Variants in CRB1 observed in about 807,000 individuals in gnomAD.
CRB1 encodes protein crumbs homolog 1.
A neutral mutation model predicts 120.0 loss-of-function variants in CRB1; 83 were observed. That is an observed-to-expected ratio of 0.69 (90% CI 0.58 to 0.83). The LOEUF (loss-of-function observed/expected upper bound fraction) is 0.83, where lower values mean the gene tolerates loss of function less well. CRB1 is among the 40% of genes least tolerant of loss of function. CRB1 has a pLI of 0.00. For missense variants in CRB1, 1,699 were observed against 1,687.6 expected, an observed-to-expected ratio of 1.01 and a Z score of -0.12; for synonymous variants, 625 against 612.5, an observed-to-expected ratio of 1.02 and a Z score of -0.30.
intron 5 of CRB1, among the ~76,000 whole-genome samples, chr1:197,361,761 A>AT (rs934062713): frequency 1.9e-4 from 28 of 150,068 alleles, no homozygotes; most frequent in African/African-American, 2.5e-4. Flanking sequence ...AATTTTACTG[A>AT]TTTTTTTTAA....
At chr1:197,433,718 G>T (rs1359638725) in intron 8 of CRB1, among the ~76,000 whole-genome samples, 3 of 152,002 alleles carry the variant, frequency 2.0e-5, no homozygotes, top group African/African-American at 4.8e-5. Flanking sequence ...AATGGAAGGG[G>T]AAATGATGAT....
intron 1 of CRB1, among the ~76,000 whole-genome samples, chr1:197,271,171 C>A (rs1267521920): frequency 6.6e-6 from 1 of 151,894 alleles, no homozygotes; most frequent in Admixed American, 6.6e-5. Flanking sequence ...TGCACTCCAG[C>A]CTGGTAAAAA....
chr1:197,321,112 A>G (rs1459184199), intron 1 of CRB1, among the ~76,000 whole-genome samples: 1 of 152,168 alleles, frequency 6.6e-6, no homozygotes, highest in Non-Finnish European at 1.5e-5. Context: ...TCTGGGGTGG[A>G]GTTTGCCAAA....
chr1:197,387,507 T>C (rs1571448669), intron 5 of CRB1, among the ~76,000 whole-genome samples: 3 of 152,212 alleles, frequency 2.0e-5, no homozygotes, highest in Admixed American at 2.0e-4. Context: ...CATAGAATTC[T>C]CTAAATCTCT....
chr1:197,441,622 A>G (rs1262135651), intron 10 of CRB1: 1 of 150,662 alleles, frequency 6.6e-6, no homozygotes, highest in Non-Finnish European at 1.5e-5. Flanking sequence ...TCTCAGAATA[A>G]ACCTCTCCTC....
chr1:197,330,128 C>G (rs1382113957), intron 2 of CRB1, among the ~76,000 whole-genome samples: 1 of 152,134 alleles, frequency 6.6e-6, no homozygotes, highest in Non-Finnish European at 1.5e-5. Flanking sequence ...AAAATAGACA[C>G]ATTCCTAGTT....
the CRB1 span, among the ~76,000 whole-genome samples, chr1:197,248,050 TA>T: frequency 1.3e-5 from 2 of 152,014 alleles, no homozygotes; most frequent in African/African-American, 4.8e-5. Flanking sequence ...ATACATTAAA[TA>T]AATCAAAATT....
intron 5 of CRB1, among the ~76,000 whole-genome samples, chr1:197,403,162 C>T (rs1408856888): frequency 6.6e-6 from 1 of 152,202 alleles, no homozygotes; most frequent in Admixed American, 6.5e-5. Flanking sequence ...TTGTGGAGCA[C>T]TAGGAATACA....
intron 11 of CRB1, among the ~76,000 whole-genome samples, chr1:197,460,240 A>G (rs1666467407): frequency 6.6e-6 from 1 of 151,930 alleles, no homozygotes; most frequent in South Asian, 2.1e-4. Flanking sequence ...GACTGATGTT[A>G]TTACTCACCA....
intron 9 of CRB1, among the ~76,000 whole-genome samples, chr1:197,437,031 T>C (rs1665194035): frequency 6.6e-6 from 1 of 152,142 alleles, no homozygotes; most frequent in South Asian, 2.1e-4. Flanking sequence ...ATTGCTTCAG[T>C]ATTTCCATGT....
chr1:197,234,478 C>G, the CRB1 span, among the ~76,000 whole-genome samples: 1 of 152,188 alleles, frequency 6.6e-6, no homozygotes, highest in African/African-American at 2.4e-5. Context: ...CCTCAGGCAA[C>G]AAATTGACTA....
At chr1:197,324,810 T>C (rs1399393842) in intron 1 of CRB1, among the ~76,000 whole-genome samples, 1 of 152,188 alleles carries the variant, frequency 6.6e-6, no homozygotes, top group Non-Finnish European at 1.5e-5. Context: ...ACAGAGATGG[T>C]AAATACTAGA....
At chr1:197,311,796 A>T (rs1226057012) in intron 1 of CRB1, among the ~76,000 whole-genome samples, 5 of 151,484 alleles carry the variant, frequency 3.3e-5, no homozygotes, top group African/African-American at 1.2e-4. Flanking sequence ...TATATAATAC[A>T]CTATTAATAT....
At chr1:197,448,918 A>G (rs1351539282) in intron 11 of CRB1, among the ~76,000 whole-genome samples, 1 of 152,250 alleles carries the variant, frequency 6.6e-6, no homozygotes, top group Non-Finnish European at 1.5e-5. Context: ...TTACAGTAAC[A>G]TGGAGATCTT....
chr1:197,328,378 C>G (rs754866121), intron 1 of CRB1, 44 bp from the exon 2 acceptor site: 3 of 1,476,492 alleles, frequency 2.0e-6, no homozygotes, highest in Admixed American at 1.7e-5. Context: ...TTAACTTTGT[C>G]CTCATTTATA....
chr1:197,448,138 T>C (rs1293111407), intron 11 of CRB1, among the ~76,000 whole-genome samples: 1 of 152,236 alleles, frequency 6.6e-6, no homozygotes, highest in Non-Finnish European at 1.5e-5. Flanking sequence ...TATTTAATAG[T>C]GTCTTTCAGA....
intron 11 of CRB1, among the ~76,000 whole-genome samples, chr1:197,472,706 T>C (rs539170850): frequency 6.6e-6 from 1 of 152,270 alleles, no homozygotes; most frequent in East Asian, 1.9e-4. Flanking sequence ...AAGCAATTAG[T>C]AACAGTTGAT....
the CRB1 span, among the ~76,000 whole-genome samples, chr1:197,252,630 T>A: frequency 7.6e-6 from 1 of 130,954 alleles, no homozygotes; most frequent in African/African-American, 2.7e-5. Context: ...TATATGTGTG[T>A]TTATATTACA....
intron 5 of CRB1, chr1:197,364,038 C>T (rs569126944): frequency 1.8e-5 from 25 of 1,376,988 alleles, no homozygotes; most frequent in Non-Finnish European, 2.5e-5. Flanking sequence ...AGATCAACTT[C>T]TTGATGCGAA....
Sources: gnomAD v4.1 joint callset for allele counts (sites outside exome capture counted in the v4.1 genomes callset) on GRCh38, gnomAD v4.1.1 for gene constraint, MANE v1.5 for transcripts, NCBI Gene and HGNC (gene_info 2026-07-23, HGNC 2026-07-21) for gene names.